Variants in SNX29 observed in about 807,000 individuals in gnomAD.
The protein encoded by SNX29 is sorting nexin-29.
A neutral mutation model predicts 102.1 loss-of-function variants in SNX29; 78 were observed. The observed-to-expected ratio is 0.76, with a 90% CI of 0.64 to 0.92. The LOEUF (loss-of-function observed/expected upper bound fraction) is 0.92. SNX29 is among the 40% of genes least tolerant of loss of function. The pLI, the probability that SNX29 is intolerant of heterozygous loss-of-function variation, is 0.00. For synonymous variants in SNX29, 580 were observed against 414.5 expected (o/e 1.40, Z -4.85); for missense variants, 1,280 against 1,061.7 (o/e 1.21, Z -2.86).
intron 13 of SNX29, among the ~76,000 whole-genome samples, chr16:12,189,361 C>T (rs2076586997): frequency 6.6e-6 from 1 of 152,212 alleles, no homozygotes; most frequent in African/African-American, 2.4e-5. Flanking sequence ...GAACAGTTGT[C>T]TCTTTTCTTG....
At chr16:12,260,943 G>A (rs1238353405) in intron 14 of SNX29, among the ~76,000 whole-genome samples, 1 of 151,402 alleles carries the variant, frequency 6.6e-6, no homozygotes, top group South Asian at 2.1e-4. Flanking sequence ...CCCGGCTGGA[G>A]TGAGTATTTG....
At chr16:12,409,113 T>A (rs1050703195) in intron 18 of SNX29, among the ~76,000 whole-genome samples, 2 of 152,206 alleles carry the variant, frequency 1.3e-5, no homozygotes, top group African/African-American at 2.4e-5. Flanking sequence ...TGATTTTAAG[T>A]TTTTCATCCG....
At chr16:12,563,873 C>G (rs1049132173) in intron 20 of SNX29, among the ~76,000 whole-genome samples, 5 of 152,232 alleles carry the variant, frequency 3.3e-5, no homozygotes, top group East Asian at 1.9e-4. Context: ...CTCCCCATCT[C>G]TAGCCCCTTG....
intron 11 of SNX29, among the ~76,000 whole-genome samples, chr16:12,091,598 T>A (rs758902478): frequency 6.6e-6 from 1 of 151,038 alleles, no homozygotes; most frequent in Non-Finnish European, 1.5e-5. Flanking sequence ...CCAGCCTGAG[T>A]AGCACAGATA....
intron 13 of SNX29, among the ~76,000 whole-genome samples, chr16:12,198,475 C>A (rs1181826319): frequency 5.9e-5 from 9 of 151,990 alleles, no homozygotes; most frequent in African/African-American, 2.2e-4. Flanking sequence ...TTTATAATCA[C>A]AGAAAAAACC....
chr16:12,305,205 C>T (rs971607095), intron 15 of SNX29, among the ~76,000 whole-genome samples: 2 of 152,174 alleles, frequency 1.3e-5, no homozygotes, highest in African/African-American at 2.4e-5. Context: ...CTCATATGAG[C>T]AGTTCATACA....
At chr16:12,418,222 C>G (rs1302407479) in intron 18 of SNX29, among the ~76,000 whole-genome samples, 1 of 152,274 alleles carries the variant, frequency 6.6e-6, no homozygotes, top group East Asian at 1.9e-4. Flanking sequence ...TTAAGACAGC[C>G]TTAACTCTAA....
At chr16:12,369,291 G>A (rs985562831) in intron 16 of SNX29, among the ~76,000 whole-genome samples, 10 of 151,776 alleles carry the variant, frequency 6.6e-5, no homozygotes, top group East Asian at 1.9e-4. Flanking sequence ...GTGTGCCACC[G>A]TGCCCAGCTA....
intron 18 of SNX29, among the ~76,000 whole-genome samples, chr16:12,406,743 A>G (rs1204687128): frequency 1.3e-5 from 2 of 152,168 alleles, no homozygotes; most frequent in Non-Finnish European, 2.9e-5. Flanking sequence ...CCCCATCTCT[A>G]CTAAAAATAC....
chr16:12,101,952 T>G (rs2141206163), intron 11 of SNX29, among the ~76,000 whole-genome samples: 1 of 152,248 alleles, frequency 6.6e-6, no homozygotes, highest in African/African-American at 2.4e-5. Context: ...GTGTGTGATG[T>G]TCCCCTCCCT....
chr16:12,362,551 A>ACACC (rs1464136306), intron 16 of SNX29, among the ~76,000 whole-genome samples: 1 of 23,496 alleles, frequency 4.3e-5, no homozygotes, highest in Non-Finnish European at 9.2e-5. Context: ...TGGCTGCTGC[A>ACACC]CTCCCCCCCC....
intron 15 of SNX29, among the ~76,000 whole-genome samples, chr16:12,345,281 C>T (rs1394208811): frequency 2.6e-5 from 4 of 152,212 alleles, no homozygotes; most frequent in Admixed American, 2.0e-4. Context: ...GCGTTAGCTA[C>T]TGCAGCCATC....
rs570214910 is a variant in SNX29, at chr16:12,366,382, G to T, written c.1899+10103G>T. 8.2e-4 allele frequency among the ~76,000 whole-genome samples: 125 copies of T among 152,300 alleles called. 1 individual carries two copies. Among genetic ancestry groups the T allele is most frequent in the African/African-American group, 2.8e-3 (116 of 41,552 alleles). On this transcript the variant is annotated intron_variant, in intron 16 of 20. Coordinates refer to ENST00000566228, the MANE Select transcript of SNX29 (RefSeq NM_032167.5). Reference sequence around the variant, plus strand: ...GATGGTCATGGAGCTATTTTCCGACGAGTGCATCTGGGAAAGGTAGGGCCA... The same window carrying T: ...GATGGTCATGGAGCTATTTTCCGACTAGTGCATCTGGGAAAGGTAGGGCCA...
intron 15 of SNX29, among the ~76,000 whole-genome samples, chr16:12,293,509 G>A (rs1044092833): frequency 6.6e-6 from 1 of 152,190 alleles, no homozygotes; most frequent in African/African-American, 2.4e-5. Flanking sequence ...TTTTATGACT[G>A]TCTTCTGGTG....
intron 15 of SNX29, among the ~76,000 whole-genome samples, chr16:12,336,702 T>C (rs1159625942): frequency 6.6e-6 from 1 of 152,196 alleles, no homozygotes; most frequent in East Asian, 1.9e-4. Flanking sequence ...CCCAGCACTT[T>C]GGGAGGCCGA....
chr16:12,554,448 C>A (rs112592278), intron 20 of SNX29, among the ~76,000 whole-genome samples: 11 of 152,202 alleles, frequency 7.2e-5, no homozygotes, highest in African/African-American at 2.4e-4. Flanking sequence ...GCACACCTGC[C>A]ATGCCAGGTC....
intron 14 of SNX29, among the ~76,000 whole-genome samples, chr16:12,225,388 GA>G (rs2077583288): frequency 6.6e-6 from 1 of 152,066 alleles, no homozygotes; most frequent in Admixed American, 6.5e-5. Flanking sequence ...AGAATCATGG[GA>G]GCGGGTCTTT....
chr16:12,095,689 A>G (rs533451345), intron 11 of SNX29, among the ~76,000 whole-genome samples: 4 of 152,306 alleles, frequency 2.6e-5, no homozygotes, highest in African/African-American at 2.4e-5. Context: ...TCAGCTTTTG[A>G]ATCCCGATTG....
chr16:12,313,611 G>A (rs1168033912), intron 15 of SNX29, among the ~76,000 whole-genome samples: 2 of 152,154 alleles, frequency 1.3e-5, no homozygotes, highest in African/African-American at 4.8e-5. Context: ...CTCTGAATTC[G>A]GTGGTTCTTC....
Sources: gnomAD v4.1 joint callset for allele counts (sites outside exome capture counted in the v4.1 genomes callset) on GRCh38, gnomAD v4.1.1 for gene constraint, MANE v1.5 for transcripts, NCBI Gene and HGNC (gene_info 2026-07-23, HGNC 2026-07-21) for gene names.